Variants in HPS4 observed in about 807,000 individuals in gnomAD.
HPS4 encodes the protein BLOC-3 complex member HPS4.
In HPS4, 44 loss-of-function variants were observed where a neutral mutation model predicts 70.3. The ratio of observed to expected loss-of-function variants is 0.63; its 90% CI spans 0.49 to 0.80. The LOEUF (loss-of-function observed/expected upper bound fraction) is 0.80, where lower values mean the gene tolerates loss of function less well. HPS4 is among the 30% of genes least tolerant of loss of function. The probability of loss-of-function intolerance (pLI) is 0.00; values close to 1 mark genes in which losing one functional copy is unlikely to be tolerated. For synonymous variants in HPS4, 377 were observed against 355.9 expected (o/e 1.06, Z -0.67); for missense variants, 873 against 884.4 (o/e 0.99, Z 0.16).
intron 7 of HPS4, among the ~76,000 whole-genome samples, chr22:26,469,274 C>G (rs2089330350): frequency 8.4e-6 from 1 of 118,450 alleles, no homozygotes; most frequent in African/African-American, 3.1e-5. Context: ...TAGTGAGATC[C>G]CATCTCTACA....
chr22:26,475,504 C>G (rs886175682), intron 4 of HPS4: 3 of 152,072 alleles, frequency 2.0e-5, no homozygotes, highest in African/African-American at 7.3e-5. Flanking sequence ...AGGCATGTGC[C>G]ACCACACCTG....
downstream of HPS4, among the ~76,000 whole-genome samples, chr22:26,450,323 C>T (rs948597198): frequency 9.2e-5 from 14 of 152,148 alleles, no homozygotes; most frequent in East Asian, 3.9e-4. Context: ...CCGAGCAGGG[C>T]GGGGTGTTAA....
intron 4 of HPS4, 131 bp downstream of exon 4, chr22:26,476,862 G>C (rs1185956499): frequency 8.5e-6 from 8 of 942,240 alleles, no homozygotes; most frequent in Non-Finnish European, 1.4e-5. Context: ...GGAAGCGAGG[G>C]TGATTACTAA....
rs119471023 is a variant in HPS4 at position 26,468,571 on chromosome 22, G to C, written c.649C>G (p.Arg217Gly). The change falls in exon 8 of 14, where the codon CGA (arginine) becomes GGA (glycine). Residue 217 changes from arginine (R) to glycine (G), a missense_variant. Transcript: ENST00000398145. ...PSLTAKVLLHRTAPQEQRLPT... is the reference protein window; with the variant it reads ...PSLTAKVLLHGTAPQEQRLPT... Reference sequence around the variant, plus strand: ...AATACCTGCTCCTGAGGTGCTGTTCGGTGAAGCAGGACCTTGGCGGTGAGG... The same window carrying C: ...AATACCTGCTCCTGAGGTGCTGTTCCGTGAAGCAGGACCTTGGCGGTGAGG... The C allele has an allele frequency of 6.2e-7, 1 of 1,614,062 alleles. No homozygotes were observed. The highest frequency in any genetic ancestry group is 1.7e-5 in the Admixed American group (1 of 60,026).
intron 1 of HPS4, 62 bp downstream of exon 1, chr22:26,483,612 T>G: frequency 3.5e-6 from 1 of 288,836 alleles, no homozygotes; most frequent in Non-Finnish European, 6.4e-6. Context: ...CGGGGTCGGG[T>G]CACGCTCTAA....
downstream of HPS4, among the ~76,000 whole-genome samples, chr22:26,447,383 C>G (rs910151223): frequency 1.3e-5 from 2 of 152,176 alleles, no homozygotes; most frequent in Admixed American, 1.3e-4. Context: ...CTGGACTTTT[C>G]TGTTACATGA....
At chr22:26,458,305 C>T (rs909725819) in intron 12 of HPS4, 140 bp downstream of exon 12, 7 of 1,046,952 alleles carry the variant, frequency 6.7e-6, no homozygotes, top group African/African-American at 1.6e-5. Flanking sequence ...ACTGGGCTCC[C>T]GGTGAGAAGA....
At position 26,466,846 on chromosome 22, in the gene HPS4, C is replaced by A. The variant is rs113929185; in HGVS notation, c.670-584G>T. On this transcript the variant is annotated intron_variant, in intron 8 of 13. Coordinates refer to ENST00000398145, the MANE Select transcript of HPS4 (RefSeq NM_022081.6). Reference sequence around the variant, plus strand: ...CCAAAAGAACCCACCAAAACAAAACCAAACCAAACAAGAACTGCTCTTCTA... The same window carrying A: ...CCAAAAGAACCCACCAAAACAAAACAAAACCAAACAAGAACTGCTCTTCTA... 9.2e-3 allele frequency: 1,461 copies of A among 158,114 alleles called. 26 individuals are homozygous for A. The highest frequency in any genetic ancestry group is 0.034 in the African/African-American group (1,393 of 41,536). The allele number at this position is 158,114 out of a possible 1,614,324, so 9.8% of individuals were successfully genotyped here.
intron 10 of HPS4, among the ~76,000 whole-genome samples, chr22:26,465,207 G>A (rs1434595634): frequency 6.6e-6 from 1 of 152,160 alleles, no homozygotes; most frequent in Admixed American, 6.5e-5. Flanking sequence ...GCTCAGGCAG[G>A]GAATGGACTT....
Position 26,465,529 on chromosome 22 carries a change from G to C in HPS4, c.729C>G (p.Val243=), listed in dbSNP as rs2088375514. The part of the protein sequence containing the change: ...QEHGAALPPN[V]QIIPVFVTKE... ...TGGTCACAAAAACAGGGATAATCTGGACATTCGGGGGCAATGCCGCTCCTG... is the reference window on the plus strand; with the variant it reads ...TGGTCACAAAAACAGGGATAATCTGCACATTCGGGGGCAATGCCGCTCCTG... The change falls in exon 10 of 14, where the codon GTC becomes GTG. Residue 243 remains valine, a synonymous_variant. Coordinates refer to ENST00000398145, the MANE Select transcript of HPS4 (RefSeq NM_022081.6). 4 of 1,614,078 alleles carry C rather than the reference G, an allele frequency of 2.5e-6. No individual in the cohort carries two copies. The highest frequency in any genetic ancestry group is 3.4e-6 in the Non-Finnish European group (4 of 1,179,966).
chr22:26,458,047 A>T (rs2086490341), intron 12 of HPS4, 80 bp from the exon 13 acceptor site: 1 of 1,156,984 alleles, frequency 8.6e-7, no homozygotes, highest in Admixed American at 1.9e-5. Flanking sequence ...AGTACTGAAC[A>T]CGGGGACTGA....
chr22:26,471,207 A>G, intron 6 of HPS4: 1 of 390,412 alleles, frequency 2.6e-6, no homozygotes, highest in Non-Finnish European at 5.0e-6. Context: ...GGTGAAACCC[A>G]CCTACCCTAT....
Position 26,453,166 on chromosome 22 carries a change from T to C in HPS4, c.*67A>G, listed in dbSNP as rs2085485742. Reference sequence around the variant, plus strand: ...CAAGAAAAATAAAATAGAGGGGCCTTTTCAATTATAAAAGGCAGAGCTTCC... The same window carrying C: ...CAAGAAAAATAAAATAGAGGGGCCTCTTCAATTATAAAAGGCAGAGCTTCC... On this transcript the variant is annotated 3_prime_UTR_variant, in exon 14 of 14. Coordinates refer to ENST00000398145, the MANE Select transcript of HPS4 (RefSeq NM_022081.6). 1 of 1,505,018 alleles carries C rather than the reference T, an allele frequency of 6.6e-7. No homozygotes were observed. Among genetic ancestry groups the C allele is most frequent in the Non-Finnish European group, 9.2e-7 (1 of 1,089,562 alleles). 93.2% of individuals were successfully genotyped at this position (1,505,018 alleles called of 1,614,324 possible).
rs549798245 is a variant in HPS4 at position 26,472,366 on chromosome 22, A to G, written c.437T>C (p.Ile146Thr). 5.1e-5 allele frequency: 83 copies of G among 1,613,974 alleles called. No individual in the cohort carries two copies. Among genetic ancestry groups the G allele is most frequent in the Non-Finnish European group, 6.9e-5 (82 of 1,179,922 alleles). ...STEWDTFIEQ[I>T]LKNTSDLHKI... ...ATGCAGATCACTGGTGTTTTTCAGA[A>G]TTTGCTCGATGAAGGTGTCCCACTC... is the stretch of plus-strand genomic sequence containing the variant. Residue 146 changes from isoleucine (I) to threonine (T), a missense_variant, in exon 6 of 14, where the codon ATT (isoleucine) becomes ACT (threonine). Ile to Thr is a moderately conservative substitution (Grantham distance 89, BLOSUM62 -1). Coordinates refer to ENST00000398145, the MANE Select transcript of HPS4 (RefSeq NM_022081.6).
At chr22:26,480,579 C>T (rs892832970) in intron 2 of HPS4, among the ~76,000 whole-genome samples, 14 of 152,172 alleles carry the variant, frequency 9.2e-5, no homozygotes, top group African/African-American at 2.4e-4. Context: ...TATGCCCTCT[C>T]TGAAGCCTCC....
intron 11 of HPS4, among the ~76,000 whole-genome samples, chr22:26,462,765 C>T (rs1054942971): frequency 6.6e-6 from 1 of 152,168 alleles, no homozygotes; most frequent in African/African-American, 2.4e-5. Context: ...GCAGCCACAA[C>T]TCCCCGCACT....
chr22:26,470,749 A>C lies in HPS4; in HGVS notation c.566T>G (p.Ile189Ser). Residue 189 changes from isoleucine to serine, a missense_variant, in exon 7 of 14, where the codon ATT becomes AGT. Ile to Ser is a moderately radical substitution (Grantham distance 142). Coordinates refer to ENST00000398145, the MANE Select transcript of HPS4 (RefSeq NM_022081.6). ...TTTATAGAGGATGCAGCCAGCGAGAATGTGAGGCGAGCGCTGGCAGGTCTG... is the reference window on the plus strand; with the variant it reads ...TTTATAGAGGATGCAGCCAGCGAGACTGTGAGGCGAGCGCTGGCAGGTCTG... ...ILQTCQRSPH[I>S]LAGCILYKGL... 6.2e-7 allele frequency: 1 copy of C among 1,614,190 alleles called. No homozygotes were observed. The highest frequency in any genetic ancestry group is 8.5e-7 in the Non-Finnish European group (1 of 1,180,026).
At chr22:26,478,834 C>G (rs2090948375) in intron 3 of HPS4, among the ~76,000 whole-genome samples, 1 of 151,998 alleles carries the variant, frequency 6.6e-6, no homozygotes, top group African/African-American at 2.4e-5. Context: ...CAGGAGCGTG[C>G]CACCACGCCC....
chr22:26,443,271 G>C (rs2084870055), downstream of HPS4: 1 of 1,355,984 alleles, frequency 7.4e-7, no homozygotes, highest in Non-Finnish European at 1.1e-6. Flanking sequence ...CTGTGGTCCG[G>C]TCCAGTCCCT....
Sources: gnomAD v4.1 joint callset for allele counts (sites outside exome capture counted in the v4.1 genomes callset) on GRCh38, gnomAD v4.1.1 for gene constraint, MANE v1.5 for transcripts, NCBI Gene and HGNC (gene_info 2026-07-23, HGNC 2026-07-21) for gene names.